Variants in ATG2A observed in about 807,000 individuals in gnomAD.
ATG2A encodes the protein autophagy related 2A.
In ATG2A, 103 loss-of-function variants were observed where a neutral mutation model predicts 214.2. That is an observed-to-expected ratio of 0.48 (90% confidence interval 0.41 to 0.57). ATG2A has a LOEUF of 0.57. ATG2A is among the 20% of genes least tolerant of loss of function. The pLI is 0.00. For synonymous variants in ATG2A, 1,160 were observed against 1,142.1 expected, an observed-to-expected ratio of 1.02 and a Z score of -0.32; for missense variants, 2,312 against 2,613.2, an observed-to-expected ratio of 0.88 and a Z score of 2.51.
intron 37 of ATG2A, 93 bp from the exon 38 acceptor site, chr11:64,896,962 A>G (rs116700761): frequency 0.042 from 64,819 of 1,527,484 alleles, 1,750 homozygotes; most frequent in Middle Eastern, 0.079. Flanking sequence ...CCCTGTGGCA[A>G]GTACTGTGGG....
chr11:64,900,397 T>C, intron 31 of ATG2A, 97 bp downstream of exon 31: 2 of 1,564,380 alleles, frequency 1.3e-6, no homozygotes, highest in Non-Finnish European at 1.7e-6. Flanking sequence ...AAGGCAGGGG[T>C]TTTCCTCTGC....
At position 64,906,275 on chromosome 11, in the gene ATG2A, C is replaced by T. The variant is rs75591922; in HGVS notation, c.3183+59G>A. On this transcript the variant is annotated intron_variant, in intron 21 of 40. Coordinates refer to ENST00000377264, the MANE Select transcript of ATG2A (RefSeq NM_015104.3). ...GCCTCACCGCGCACTGGGGTCCCAC[C>T]GCACACCGGGGCTGCAGCCCAGGCT... 1.9e-3 allele frequency: 3,116 copies of T among 1,606,822 alleles called. 44 individuals carry two copies. The African/African-American group carries it at 0.033, about 17-fold the overall frequency.
In ATG2A at chr11:64,913,761, A is replaced by AG; in HGVS notation, c.590+59_590+60insC. ...GGAACCTAGGCTGCGGGTGGGGACC[A>AG]TCCAGCAGCCCCCACTCCCCATCTT... On this transcript the variant is annotated intron_variant, in intron 4 of 40. Transcript: ENST00000377264. The surrounding 1 kb of genome is among the most constrained non-coding windows in gnomAD (Gnocchi z 4.3). 1 of 1,511,714 alleles carries AG rather than the reference A, an allele frequency of 6.6e-7. No individual in the cohort carries two copies. Among genetic ancestry groups the AG allele is most frequent in the East Asian group, 2.3e-5 (1 of 44,322 alleles). 93.6% of individuals were successfully genotyped at this position (1,511,714 alleles called of 1,614,324 possible).
At position 64,902,537 on chromosome 11, in the gene ATG2A, G is replaced by T; in HGVS notation, c.3756C>A (p.Pro1252=). ...GTACCTTCTGGCCGGCGATCTCCGTGGGGCTGGGGGGCCGGGGTGGGGGGT... is the reference window on the plus strand; with the variant it reads ...GTACCTTCTGGCCGGCGATCTCCGTTGGGCTGGGGGGCCGGGGTGGGGGGT... ...DLHPPPRPPS[P]TEIAGQKLSE... is the part of the protein sequence containing the mutation. The change falls in exon 27 of 41, where the codon CCC becomes CCA. Residue 1252 remains proline, a synonymous_variant. Transcript: ENST00000377264. The T allele has an allele frequency of 6.5e-7, 1 of 1,544,948 alleles. No individual in the cohort carries two copies. Among genetic ancestry groups the T allele is most frequent in the South Asian group, 1.2e-5 (1 of 83,946 alleles).
Position 64,914,094 on chromosome 11 carries a change from C to A in ATG2A, c.474G>T (p.Gln158His). The change falls in exon 3 of 41, where the codon CAG (glutamine) becomes CAT (histidine). Residue 158 changes from glutamine to histidine, a missense_variant. Gln to His is a conservative substitution (Grantham distance 24). Transcript: ENST00000377264. ...GGGCCTGCTCACCAGTCTCAATGGT[C>A]TGGGCAAACATCTCCAGCCCCTCCA... ...QPLEGLEMFA[Q>H]TIETVLRRIK... is the part of the protein sequence containing the mutation. The A allele has an allele frequency of 6.5e-7, 1 of 1,546,964 alleles. No homozygotes were observed. The highest frequency in any genetic ancestry group is 1.2e-5 in the South Asian group (1 of 83,344).
chr11:64,909,062 T>C lies in ATG2A; in HGVS notation c.2293A>G (p.Ser765Gly). ...TCAGGTTCCCGCAGCTCACAGGGAC[T>C]CTCCACTGACAGCTCCAGTTCCTCT... ...KGEELELSVE[S>G]PCELREPEPS... Residue 765 changes from serine (S) to glycine (G), a missense_variant, in exon 16 of 41, where the codon AGT becomes GGT. Ser to Gly is a moderately conservative substitution (Grantham distance 56). Transcript: ENST00000377264. The C allele has an allele frequency of 6.2e-7, 1 of 1,613,302 alleles. No homozygotes were observed. Among genetic ancestry groups the C allele is most frequent in the Non-Finnish European group, 8.5e-7 (1 of 1,179,956 alleles).
At chr11:64,899,107 GT>G (rs1174522864) in intron 31 of ATG2A, among the ~76,000 whole-genome samples, 6 of 152,170 alleles carry the variant, frequency 3.9e-5, no homozygotes, top group Non-Finnish European at 5.9e-5. Context: ...GTTTCACAAC[GT>G]TGGCCAGGCT....
chr11:64,910,070 G>T lies in ATG2A; in HGVS notation c.1833C>A (p.Thr611=), dbSNP rs376611090. The change falls in exon 13 of 41, where the codon ACC becomes ACA. Residue 611 remains threonine, a synonymous_variant. Coordinates refer to ENST00000377264, the MANE Select transcript of ATG2A (RefSeq NM_015104.3). ...DRLAALLRLA[T]VPAEPPAGLL... ...GGCCGGCTGGAGGCTCAGCAGGTACGGTGGCCAGGCGCAGTAGGGCGGCCA... is the reference window on the plus strand; with the variant it reads ...GGCCGGCTGGAGGCTCAGCAGGTACTGTGGCCAGGCGCAGTAGGGCGGCCA... 1.2e-6 allele frequency: 2 copies of T among 1,602,196 alleles called. No individual in the cohort carries two copies. Among genetic ancestry groups the T allele is most frequent in the African/African-American group, 2.7e-5 (2 of 74,764 alleles).
chr11:64,909,606 C>A, intron 14 of ATG2A, 75 bp downstream of exon 14: 1 of 1,574,436 alleles, frequency 6.4e-7, no homozygotes, highest in Non-Finnish European at 8.6e-7. Context: ...GACTGGGCCC[C>A]TTCCATAGCC....
chr11:64,911,553 C>T (rs1428104192), intron 9 of ATG2A, among the ~76,000 whole-genome samples: 27 of 152,144 alleles, frequency 1.8e-4, no homozygotes, highest in Non-Finnish European at 8.8e-5. Flanking sequence ...TAAACATGAA[C>T]CCAGATATAC....
In ATG2A at chr11:64,906,419, G is replaced by C. The variant is rs754977787; in HGVS notation, c.3098C>G (p.Ala1033Gly). 9.9e-6 allele frequency: 16 copies of C among 1,613,078 alleles called. No individual in the cohort carries two copies. In the Admixed American group the frequency reaches 1.3e-4, roughly 13 times the overall value. ...PSEEGVTERG[A>G]SGRKGQGRGP... Reference sequence around the variant, plus strand: ...CCGGCCCTGGCCCTTGCGGCCCGAGGCTCCCCGCTCGGTCACCCCTTCCTC... The same window carrying C: ...CCGGCCCTGGCCCTTGCGGCCCGAGCCTCCCCGCTCGGTCACCCCTTCCTC... The change falls in exon 21 of 41, where the codon GCC (alanine) becomes GGC (glycine). Residue 1033 changes from alanine (A) to glycine (G), a missense_variant. Ala to Gly is a moderately conservative substitution (Grantham distance 60). Transcript: ENST00000377264.
intron 19 of ATG2A, 32 bp from the exon 20 acceptor site, chr11:64,906,847 A>G (rs1407822294): frequency 6.3e-7 from 1 of 1,598,034 alleles, no homozygotes; most frequent in Non-Finnish European, 8.5e-7. Context: ...TGGCTTCCCC[A>G]GCTGCACTCA....
At chr11:64,914,009 C>A in intron 3 of ATG2A, 72 bp downstream of exon 3, 1 of 1,559,652 alleles carries the variant, frequency 6.4e-7, no homozygotes. Flanking sequence ...GTGGCCGTGC[C>A]GTTGTCTGGA....
At chr11:64,907,488 G>A in intron 18 of ATG2A, 37 bp downstream of exon 18, 2 of 1,611,586 alleles carry the variant, frequency 1.2e-6, no homozygotes, top group Non-Finnish European at 8.5e-7. Flanking sequence ...CAGACCTGGG[G>A]GTCCTCCCTC....
chr11:64,909,190 C>CGGCACCCAGTTCCAAACT, intron 15 of ATG2A, 40 bp from the exon 16 acceptor site: 1 of 1,605,350 alleles, frequency 6.2e-7, no homozygotes, highest in Non-Finnish European at 8.5e-7. Context: ...GCAGGGCCCC[C>CGGCACCCAGTTCCAAACT]GGCACCCAGT....
At position 64,911,138 on chromosome 11, in the gene ATG2A, A is replaced by G. The variant is rs1944757223; in HGVS notation, c.1366T>C (p.Phe456Leu). Residue 456 changes from phenylalanine to leucine, a missense_variant, in exon 10 of 41, where the codon TTC (phenylalanine) becomes CTC (leucine). Physicochemically the swap from Phe to Leu is conservative, Grantham distance 22. Coordinates refer to ENST00000377264, the MANE Select transcript of ATG2A (RefSeq NM_015104.3). ...TCCTTGGTGGCATCAAACTCGGTGA[A>G]AAAGTGCGTGGCGAGGTCAGGTGGT... ...SGPPDLATHFFTEFDATKDGP... is the reference protein window; with the variant it reads ...SGPPDLATHFLTEFDATKDGP... 1.2e-6 allele frequency: 2 copies of G among 1,614,020 alleles called. No homozygotes were observed. Among genetic ancestry groups the G allele is most frequent in the Non-Finnish European group, 1.7e-6 (2 of 1,180,036 alleles).
intron 30 of ATG2A, 121 bp downstream of exon 30, chr11:64,900,763 G>A (rs767995653): frequency 5.6e-6 from 8 of 1,437,814 alleles, no homozygotes; most frequent in Non-Finnish European, 6.4e-6. Context: ...AAGGAAGGAT[G>A]AGGAAACTGA....
Position 64,898,601 on chromosome 11 carries a change from C to A in ATG2A, c.4671+35G>T. On this transcript the variant is annotated intron_variant, in intron 32 of 40. Coordinates refer to ENST00000377264, the MANE Select transcript of ATG2A (RefSeq NM_015104.3). This position sits in a 1 kb window ranked among gnomAD's most constrained non-coding sequence, Gnocchi z 4.5. ...AGATGTATCCCCAACGGTCTGGTGCCCTGCCCCAGGGTGGATGGTGCAGGT... is the reference window on the plus strand; with the variant it reads ...AGATGTATCCCCAACGGTCTGGTGCACTGCCCCAGGGTGGATGGTGCAGGT... 1 of 1,602,768 alleles carries A rather than the reference C, an allele frequency of 6.2e-7. No homozygotes were observed. The highest frequency in any genetic ancestry group is 2.2e-5 in the East Asian group (1 of 44,564).
Position 64,902,360 on chromosome 11 carries a change from G to A in ATG2A, c.3804C>T (p.Pro1268=), listed in dbSNP as rs1210156194. 1.9e-6 allele frequency: 3 copies of A among 1,596,080 alleles called. No individual in the cohort carries two copies. Among genetic ancestry groups the A allele is most frequent in the Non-Finnish European group, 2.6e-6 (3 of 1,172,242 alleles). Residue 1268 remains proline, a synonymous_variant, in exon 28 of 41, where the codon CCC becomes CCT. Transcript: ENST00000377264. ...GGGCCGTCTCCACTGGGGGGCACGA[G>A]GGCAGAGAGGCAGGACTCTCCGAGA... is the stretch of plus-strand genomic sequence containing the variant. The part of the protein sequence containing the change: ...QKLSESPASL[P]SCPPVETALI...
Sources: gnomAD v4.1 joint callset for allele counts (sites outside exome capture counted in the v4.1 genomes callset) on GRCh38, gnomAD v4.1.1 for gene constraint, Gnocchi (gnomAD v3.1) non-coding constraint, MANE v1.5 for transcripts, NCBI Gene and HGNC (gene_info 2026-07-23, HGNC 2026-07-21) for gene names.